The following RAMP1 variants were observed in gnomAD, a reference collection of about 807,000 sequenced individuals.
The protein encoded by RAMP1 is receptor activity modifying protein 1, also known as receptor activity-modifying protein 1.
Under a neutral mutation model 8.2 loss-of-function variants are expected in RAMP1, and 7 were observed. The ratio of observed to expected loss-of-function variants is 0.85; its 90% CI spans 0.49 to 1.60. The LOEUF is 1.60. Ranked by LOEUF, RAMP1 falls within the 40% of genes most tolerant of loss-of-function variation. The pLI is 0.00. For synonymous variants in RAMP1, 92 were observed against 84.7 expected, an observed-to-expected ratio of 1.09 and a Z score of -0.47; for missense variants, 192 against 202.4, an observed-to-expected ratio of 0.95 and a Z score of 0.31.
chr2:237,889,150 C>A (rs1223360728), intron 2 of RAMP1, among the ~76,000 whole-genome samples: 2 of 152,188 alleles, frequency 1.3e-5, no homozygotes, highest in Admixed American at 6.5e-5. Context: ...TTTTGATGTT[C>A]ATTTTCCACA....
intron 2 of RAMP1, among the ~76,000 whole-genome samples, chr2:237,896,305 A>G (rs911273749): frequency 6.6e-6 from 1 of 152,210 alleles, no homozygotes; most frequent in Non-Finnish European, 1.5e-5. Flanking sequence ...GGCAGCTCCC[A>G]GGCTGTGTCT....
intron 2 of RAMP1, among the ~76,000 whole-genome samples, chr2:237,904,136 G>T (rs555465567): frequency 4.6e-5 from 7 of 152,300 alleles, no homozygotes; most frequent in Non-Finnish European, 1.0e-4. Flanking sequence ...ATATTGGGCC[G>T]GGCTCAGTGG....
intron 2 of RAMP1, among the ~76,000 whole-genome samples, chr2:237,901,782 G>A (rs537622786): frequency 1.2e-4 from 18 of 152,308 alleles, no homozygotes; most frequent in Admixed American, 2.6e-4. Context: ...AGTGGAGGGC[G>A]GTGGAGGGGT....
chr2:237,900,650 CAT>C (rs2062587914), intron 2 of RAMP1, among the ~76,000 whole-genome samples: 2 of 152,062 alleles, frequency 1.3e-5, no homozygotes, highest in African/African-American at 4.8e-5. Context: ...TTCATTTGTA[CAT>C]ATAGTATTGC....
chr2:237,876,188 C>T (rs888221292), intron 1 of RAMP1, among the ~76,000 whole-genome samples: 7 of 152,210 alleles, frequency 4.6e-5, no homozygotes, highest in South Asian at 2.1e-4. Flanking sequence ...CCCCAGGCCA[C>T]GTGCCGGAGA....
intron 1 of RAMP1, 76 bp downstream of exon 1, chr2:237,859,803 C>A (rs1576527831): frequency 3.7e-6 from 1 of 273,498 alleles, no homozygotes; most frequent in Non-Finnish European, 6.8e-6. Flanking sequence ...AGGAGGGGAG[C>A]GGGTGGGAGC....
At chr2:237,899,899 G>A (rs1455003448) in intron 2 of RAMP1, among the ~76,000 whole-genome samples, 1 of 152,108 alleles carries the variant, frequency 6.6e-6, no homozygotes, top group Non-Finnish European at 1.5e-5. Context: ...GCAACATAGT[G>A]AGAACCTGTC....
At chr2:237,911,494 C>A (rs748413156) in intron 2 of RAMP1, 34 bp from the exon 3 acceptor site, 4 of 1,609,138 alleles carry the variant, frequency 2.5e-6, no homozygotes, top group Non-Finnish European at 3.4e-6. Context: ...CCCCCGCCTG[C>A]CCAGGGTCTT....
At position 237,877,921 on chromosome 2, in the gene RAMP1, C is replaced by T. The variant is rs1425817425; in HGVS notation, c.191+559C>T. On this transcript the variant is annotated intron_variant, in intron 2 of 2. Coordinates refer to ENST00000254661, the MANE Select transcript of RAMP1 (RefSeq NM_005855.4). This position sits in a 1 kb window ranked among gnomAD's most constrained non-coding sequence, Gnocchi z 4.4. ...AGGGCCCTTCTTCCCGCTTGAGGGG[C>T]TCCCTCATTGCCTCCCTCAGCCTCC... is the stretch of plus-strand genomic sequence containing the variant. 8.2e-6 allele frequency: 8 copies of T among 979,804 alleles called. No individual in the cohort carries two copies. The highest frequency in any genetic ancestry group is 9.7e-6 in the Non-Finnish European group (8 of 824,842). The allele number at this position is 979,804 out of a possible 1,614,324, so 60.7% of individuals were successfully genotyped here.
chr2:237,877,974 G>T lies in RAMP1; in HGVS notation c.191+612G>T. 1.0e-6 allele frequency: 1 copy of T among 985,168 alleles called. No individual in the cohort carries two copies. The highest frequency in any genetic ancestry group is 1.2e-6 in the Non-Finnish European group (1 of 829,834). 61.0% of individuals were successfully genotyped at this position (985,168 alleles called of 1,614,324 possible). On this transcript the variant is annotated intron_variant, in intron 2 of 2. Coordinates refer to ENST00000254661, the MANE Select transcript of RAMP1 (RefSeq NM_005855.4). This position sits in a 1 kb window ranked among gnomAD's most constrained non-coding sequence, Gnocchi z 4.4. ...GGTGCTGGGCCCCCATCAGCAGGCC[G>T]GGGGGTTCTCCCCAGCAGGCCCAGG... is the stretch of plus-strand genomic sequence containing the variant.
intron 2 of RAMP1, among the ~76,000 whole-genome samples, chr2:237,907,911 T>A (rs2062669112): frequency 6.6e-6 from 1 of 152,252 alleles, no homozygotes; most frequent in Admixed American, 6.5e-5. Context: ...CAGAGGTGAC[T>A]ACGGTCAATA....
chr2:237,910,608 G>GTCACACAA (rs2062701617), intron 2 of RAMP1, among the ~76,000 whole-genome samples: 1 of 147,380 alleles, frequency 6.8e-6, no homozygotes. Flanking sequence ...CAGTCACACA[G>GTCACACAA]TCACACACAG....
intron 2 of RAMP1, among the ~76,000 whole-genome samples, chr2:237,879,989 CAAAA>C (rs35678960): frequency 4.0e-5 from 3 of 75,862 alleles, no homozygotes; most frequent in South Asian, 5.4e-4. Context: ...GACTTTGTCT[CAAAA>C]AAAAAAAAAA....
At chr2:237,909,030 G>A (rs746846489) in intron 2 of RAMP1, among the ~76,000 whole-genome samples, 11 of 152,148 alleles carry the variant, frequency 7.2e-5, no homozygotes, top group Admixed American at 2.6e-4. Flanking sequence ...GGATACGGGG[G>A]TGAAGGGGAC....
chr2:237,885,023 C>T (rs780982958), intron 2 of RAMP1, among the ~76,000 whole-genome samples: 19 of 152,244 alleles, frequency 1.2e-4, no homozygotes, highest in South Asian at 1.0e-3. Flanking sequence ...CCAGGCATGA[C>T]GCTCTGGGTC....
intron 1 of RAMP1, among the ~76,000 whole-genome samples, chr2:237,873,461 G>A (rs2062266553): frequency 6.6e-6 from 1 of 152,160 alleles, no homozygotes; most frequent in Non-Finnish European, 1.5e-5. Context: ...TTTGCTTGAG[G>A]GGCCCTCCAC....
At chr2:237,861,678 T>C (rs1362263954) in intron 1 of RAMP1, among the ~76,000 whole-genome samples, 1 of 151,762 alleles carries the variant, frequency 6.6e-6, no homozygotes, top group Non-Finnish European at 1.5e-5. Flanking sequence ...TGAAACCCCG[T>C]CTCTACTAAA....
chr2:237,886,474 C>A (rs2062434455), intron 2 of RAMP1, among the ~76,000 whole-genome samples: 1 of 152,092 alleles, frequency 6.6e-6, no homozygotes, highest in East Asian at 1.9e-4. Context: ...GAGGAGGAGC[C>A]CCATTTCCCT....
At chr2:237,893,048 G>T (rs2062501777) in intron 2 of RAMP1, among the ~76,000 whole-genome samples, 1 of 152,104 alleles carries the variant, frequency 6.6e-6, no homozygotes, top group Non-Finnish European at 1.5e-5. Context: ...ATTTCAAGTA[G>T]GTCCTAGAAA....
Sources: gnomAD v4.1 joint callset for allele counts (sites outside exome capture counted in the v4.1 genomes callset) on GRCh38, gnomAD v4.1.1 for gene constraint, Gnocchi (gnomAD v3.1) non-coding constraint, MANE v1.5 for transcripts, NCBI Gene and HGNC (gene_info 2026-07-23, HGNC 2026-07-21) for gene names.